The following ATL2 variants were observed in gnomAD, a reference collection of about 807,000 sequenced individuals.
ATL2 encodes atlastin-2.
A neutral mutation model predicts 73.9 loss-of-function variants in ATL2; 31 were observed. The ratio of observed to expected loss-of-function variants is 0.42; its 90% CI spans 0.32 to 0.57. The LOEUF (loss-of-function observed/expected upper bound fraction) is 0.57, where lower values mean the gene tolerates loss of function less well. Among genes scored for constraint, ATL2 ranks in the 20% least tolerant of loss-of-function variants. ATL2 has a pLI of 0.14. For missense variants in ATL2, 738 were observed against 702.6 expected (o/e 1.05, Z -0.57); for synonymous variants, 291 against 237.5 (o/e 1.23, Z -2.07).
chr2:38,333,858 C>A (rs2148466400), intron 2 of ATL2, among the ~76,000 whole-genome samples: 1 of 152,238 alleles, frequency 6.6e-6, no homozygotes, highest in African/African-American at 2.4e-5. Flanking sequence ...TCTGATTCCT[C>A]TAGCTTTGGT....
chr2:38,305,924 G>C (rs1475559581), intron 9 of ATL2, among the ~76,000 whole-genome samples: 1 of 151,574 alleles, frequency 6.6e-6, no homozygotes. Context: ...TAGCGAAATT[G>C]AAATAAAAAC....
chr2:38,303,868 A>ATGCC (rs1667310361), intron 9 of ATL2, among the ~76,000 whole-genome samples: 1 of 152,228 alleles, frequency 6.6e-6, no homozygotes, highest in African/African-American at 2.4e-5. Flanking sequence ...GTGGTGGCTC[A>ATGCC]TGCCTGTAAT....
At chr2:38,364,846 C>A (rs1466152711) in intron 1 of ATL2, among the ~76,000 whole-genome samples, 2 of 151,956 alleles carry the variant, frequency 1.3e-5, no homozygotes, top group Non-Finnish European at 2.9e-5. Context: ...AGATTGAGAC[C>A]ATCCTGGCTA....
At chr2:38,337,362 T>G (rs1244057832) in intron 2 of ATL2, among the ~76,000 whole-genome samples, 1 of 150,766 alleles carries the variant, frequency 6.6e-6, no homozygotes, top group Non-Finnish European at 1.5e-5. Flanking sequence ...GGTGCGCACC[T>G]GTAAACCCAG....
chr2:38,340,343 A>C (rs1310187324), intron 2 of ATL2, among the ~76,000 whole-genome samples: 1 of 152,024 alleles, frequency 6.6e-6, no homozygotes, highest in East Asian at 1.9e-4. Context: ...CAAAGGAAAA[A>C]AATTTTTAAG....
intron 1 of ATL2, among the ~76,000 whole-genome samples, chr2:38,368,025 T>C (rs1222055071): frequency 1.3e-5 from 2 of 151,242 alleles, no homozygotes; most frequent in Admixed American, 6.6e-5. Flanking sequence ...AGCTCCACCT[T>C]CCGGGTTCAC....
chr2:38,324,385 T>C (rs1668487284), intron 2 of ATL2, among the ~76,000 whole-genome samples: 4 of 152,216 alleles, frequency 2.6e-5, no homozygotes, highest in Admixed American at 2.6e-4. Context: ...ATAAAACTAG[T>C]ACCTAATCAG....
upstream of ATL2, among the ~76,000 whole-genome samples, chr2:38,378,470 C>T (rs190955644): frequency 5.5e-4 from 84 of 152,316 alleles, no homozygotes; most frequent in African/African-American, 1.9e-3. Flanking sequence ...AGCTACTGAC[C>T]TCGTGATCCA....
intron 1 of ATL2, among the ~76,000 whole-genome samples, chr2:38,365,172 C>CACAAAT (rs1671248579): frequency 7.3e-6 from 1 of 136,596 alleles, no homozygotes; most frequent in African/African-American, 3.6e-5. Context: ...CACAAATACA[C>CACAAAT]ACACACACAC....
At chr2:38,364,069 C>T (rs1671163580) in intron 1 of ATL2, among the ~76,000 whole-genome samples, 1 of 152,116 alleles carries the variant, frequency 6.6e-6, no homozygotes, top group African/African-American at 2.4e-5. Flanking sequence ...GGAGACCAGC[C>T]TGACCAACAT....
intron 1 of ATL2, among the ~76,000 whole-genome samples, chr2:38,346,318 CCA>C (rs1022389407): frequency 1.3e-5 from 2 of 152,150 alleles, no homozygotes; most frequent in African/African-American, 4.8e-5. Flanking sequence ...AATCTAATCT[CCA>C]CAGAGTAGCA....
intron 1 of ATL2, among the ~76,000 whole-genome samples, chr2:38,358,165 G>A (rs186137334): frequency 1.4e-4 from 22 of 152,230 alleles, no homozygotes; most frequent in Admixed American, 7.9e-4. Context: ...CAAGTGTTTA[G>A]GATGTAAGTG....
chr2:38,335,542 T>C (rs917407662), intron 2 of ATL2, among the ~76,000 whole-genome samples: 2 of 152,144 alleles, frequency 1.3e-5, no homozygotes, highest in African/African-American at 4.8e-5. Flanking sequence ...GCAAAACTAA[T>C]CTACATTAAT....
At chr2:38,319,126 G>C (rs1573469368) in intron 2 of ATL2, 107 bp from the exon 3 acceptor site, 1 of 1,224,644 alleles carries the variant, frequency 8.2e-7, no homozygotes, top group East Asian at 2.3e-5. Flanking sequence ...AACCCGGAAA[G>C]ACAAAAAAAA....
chr2:38,300,777 A>G (rs979233678), intron 9 of ATL2, among the ~76,000 whole-genome samples: 1 of 151,982 alleles, frequency 6.6e-6, no homozygotes, highest in Non-Finnish European at 1.5e-5. Context: ...CAGTTTTCCA[A>G]GTGGCTGAAA....
chr2:38,351,320 T>C (rs982920081), intron 1 of ATL2, among the ~76,000 whole-genome samples: 10 of 152,116 alleles, frequency 6.6e-5, no homozygotes, highest in Admixed American at 3.3e-4. Context: ...TAAATATATT[T>C]CTAGGGATTT....
intron 2 of ATL2, among the ~76,000 whole-genome samples, chr2:38,327,526 A>T (rs1668732240): frequency 7.8e-6 from 1 of 128,026 alleles, no homozygotes; most frequent in Non-Finnish European, 1.6e-5. Context: ...GGGGAATATA[A>T]AAAAAAAAAA....
chr2:38,376,334 C>T (rs1234453940), intron 1 of ATL2: 14 of 1,078,666 alleles, frequency 1.3e-5, no homozygotes, highest in Non-Finnish European at 1.7e-5. Flanking sequence ...TCCTGGTACA[C>T]GTACAGTAGG....
rs1282653001 is a variant in ATL2 at position 38,294,757 on chromosome 2, G to C, written c.*1237C>G. ...AGTAACTTTTTACAAGCTTAGTTTT[G>C]AGGTACAATGCCTTAGAGCTCTCAA... is the stretch of plus-strand genomic sequence containing the variant. On this transcript the variant is annotated 3_prime_UTR_variant, in exon 13 of 13. Coordinates refer to ENST00000378954, the MANE Select transcript of ATL2 (RefSeq NM_001135673.4). 6.6e-6 allele frequency: 1 copy of C among 151,898 alleles called. No individual in the cohort carries two copies. Among genetic ancestry groups the C allele is most frequent in the Non-Finnish European group, 1.5e-5 (1 of 67,974 alleles). The allele number at this position is 151,898 out of a possible 1,614,324, so 9.4% of individuals were successfully genotyped here.
Sources: gnomAD v4.1 joint callset for allele counts (sites outside exome capture counted in the v4.1 genomes callset) on GRCh38, gnomAD v4.1.1 for gene constraint, MANE v1.5 for transcripts, NCBI Gene and HGNC (gene_info 2026-07-23, HGNC 2026-07-21) for gene names.